The following POU2F3 variants were observed in gnomAD, a reference collection of about 807,000 sequenced individuals.
POU2F3 encodes the protein POU class 2 homeobox 3.
In POU2F3, 23 loss-of-function variants were observed where a neutral mutation model predicts 59.2. The ratio of observed to expected loss-of-function variants is 0.39; its 90% CI spans 0.28 to 0.55. The LOEUF is 0.55. POU2F3 is among the 20% of genes least tolerant of loss of function. POU2F3 has a pLI of 0.66. For missense variants in POU2F3, 473 were observed against 544.5 expected, an observed-to-expected ratio of 0.87 and a Z score of 1.31; for synonymous variants, 190 against 214.6, an observed-to-expected ratio of 0.89 and a Z score of 1.00.
intron 2 of POU2F3, chr11:120,254,255 C>T (rs1939238684): frequency 6.6e-6 from 1 of 152,330 alleles, no homozygotes; most frequent in Non-Finnish European, 1.5e-5. Context: ...GCAGCCAGAA[C>T]CCAGGCAACT....
intron 2 of POU2F3, among the ~76,000 whole-genome samples, chr11:120,249,217 T>C (rs1173380061): frequency 6.6e-6 from 1 of 152,196 alleles, no homozygotes; most frequent in African/African-American, 2.4e-5. Flanking sequence ...GCTCAGAATG[T>C]CTTTGCAGCA....
chr11:120,293,386 G>A (rs569761804), intron 3 of POU2F3, among the ~76,000 whole-genome samples: 1 of 152,168 alleles, frequency 6.6e-6, no homozygotes, highest in Non-Finnish European at 1.5e-5. Flanking sequence ...CTTGAGAGGA[G>A]TTACCCATCT....
chr11:120,287,109 C>A (rs1295586652), intron 3 of POU2F3, among the ~76,000 whole-genome samples: 3 of 152,142 alleles, frequency 2.0e-5, no homozygotes, highest in Admixed American at 6.5e-5. Context: ...TCTGTCTGAT[C>A]CCCCATTCTA....
chr11:120,276,342 A>G (rs930226288), intron 3 of POU2F3, among the ~76,000 whole-genome samples: 2 of 152,138 alleles, frequency 1.3e-5, no homozygotes, highest in Non-Finnish European at 2.9e-5. Context: ...GGTCTGCCGC[A>G]GAGAGGGAGG....
rs183613317 is a variant in POU2F3, at chr11:120,308,624, G to A, written c.907-801G>A. ...TTTTAGCTTTCTCATTTTCTGCTTTGAGACAGGAGGACAGGAAGAAATGAC... is the reference window on the plus strand; with the variant it reads ...TTTTAGCTTTCTCATTTTCTGCTTTAAGACAGGAGGACAGGAAGAAATGAC... On this transcript the variant is annotated intron_variant, in intron 9 of 12. Transcript: ENST00000543440. Among the ~76,000 whole-genome samples, 289 of 152,164 alleles carry A rather than the reference G, an allele frequency of 1.9e-3. 1 individual carries two copies. The highest frequency in any genetic ancestry group is 6.6e-3 in the African/African-American group (275 of 41,506).
intron 1 of POU2F3, among the ~76,000 whole-genome samples, chr11:120,243,348 C>T (rs1188415248): frequency 1.3e-5 from 2 of 152,150 alleles, no homozygotes; most frequent in Non-Finnish European, 2.9e-5. Flanking sequence ...GTCCAGGACC[C>T]TCAGCCTGCA....
chr11:120,267,813 A>G (rs565026278), intron 2 of POU2F3, among the ~76,000 whole-genome samples: 6 of 152,172 alleles, frequency 3.9e-5, no homozygotes, highest in African/African-American at 1.4e-4. Flanking sequence ...CATATTGTAT[A>G]TGCATATTAA....
Position 120,319,439 on chromosome 11 carries a change from T to TC in POU2F3, c.*1047_*1048insC, listed in dbSNP as rs1301963497. On this transcript the variant is annotated 3_prime_UTR_variant, in exon 13 of 13. Transcript: ENST00000543440. ...CCACATGGGCTGGGATTTTTTTTTCTTTTTCTTTTTTTTTTTTTTTTTTGA... is the reference window on the plus strand; with the variant it reads ...CCACATGGGCTGGGATTTTTTTTTCTCTTTTCTTTTTTTTTTTTTTTTTTGA... 8.0e-6 allele frequency: 1 copy of TC among 125,568 alleles called. No homozygotes were observed. The highest frequency in any genetic ancestry group is 1.8e-5 in the Non-Finnish European group (1 of 55,594). 7.8% of individuals were successfully genotyped at this position (125,568 alleles called of 1,614,324 possible).
upstream of POU2F3, among the ~76,000 whole-genome samples, chr11:120,238,855 A>G (rs1247304219): frequency 1.4e-5 from 2 of 140,096 alleles, no homozygotes; most frequent in Non-Finnish European, 3.0e-5. Context: ...AAAAAAAAAA[A>G]GAACACGGAA....
intron 3 of POU2F3, among the ~76,000 whole-genome samples, chr11:120,276,260 A>G (rs1175504777): frequency 6.6e-6 from 1 of 152,200 alleles, no homozygotes; most frequent in Admixed American, 6.5e-5. Context: ...TTAGCTGACT[A>G]TTAGGAAGAC....
upstream of POU2F3, among the ~76,000 whole-genome samples, chr11:120,237,406 C>T (rs1292889358): frequency 1.3e-5 from 2 of 152,204 alleles, no homozygotes; most frequent in Non-Finnish European, 2.9e-5. Context: ...CAGCTGTGAA[C>T]CTCCAAGGTC....
intron 2 of POU2F3, chr11:120,254,082 C>G (rs1226852325): frequency 6.6e-6 from 1 of 152,240 alleles, no homozygotes; most frequent in Non-Finnish European, 1.5e-5. Context: ...ACTCCCCCAG[C>G]CCCAAGCTGG....
chr11:120,246,604 T>G, intron 2 of POU2F3, 87 bp downstream of exon 2: 1 of 1,458,190 alleles, frequency 6.9e-7, no homozygotes, highest in African/African-American at 1.4e-5. Context: ...TCTTCTTGCT[T>G]GGTCTTTCAG....
upstream of POU2F3, chr11:120,236,755 A>G (rs1383510409): frequency 5.7e-6 from 8 of 1,413,716 alleles, no homozygotes; most frequent in South Asian, 4.9e-5. Flanking sequence ...AACTGAAATG[A>G]TCAGTGAGCA....
chr11:120,264,990 A>G lies in POU2F3; in HGVS notation c.98-4220A>G, dbSNP rs562277195. On this transcript the variant is annotated intron_variant, in intron 2 of 12. Transcript: ENST00000543440. ...TTAAGCATTGCAGGAATGACTGGCCAGTTGCCTTAATCTGGAGCATTGGGG... is the reference window on the plus strand; with the variant it reads ...TTAAGCATTGCAGGAATGACTGGCCGGTTGCCTTAATCTGGAGCATTGGGG... 2.8e-4 allele frequency among the ~76,000 whole-genome samples: 43 copies of G among 152,350 alleles called. 1 individual carries two copies. The highest frequency in any genetic ancestry group is 2.2e-3 in the Admixed American group (34 of 15,310).
chr11:120,252,659 T>C (rs1939162146), intron 2 of POU2F3, among the ~76,000 whole-genome samples: 1 of 152,136 alleles, frequency 6.6e-6, no homozygotes, highest in Admixed American at 6.5e-5. Flanking sequence ...AGGATTTGCT[T>C]CTCTGCCTCC....
At chr11:120,312,761 T>G (rs1941684337) in intron 10 of POU2F3, among the ~76,000 whole-genome samples, 1 of 152,178 alleles carries the variant, frequency 6.6e-6, no homozygotes, top group African/African-American at 2.4e-5. Flanking sequence ...TGATGAAGGC[T>G]TCAGAGAAGA....
chr11:120,239,929 G>C (rs1031559067), upstream of POU2F3, among the ~76,000 whole-genome samples: 3 of 152,260 alleles, frequency 2.0e-5, no homozygotes, highest in African/African-American at 7.2e-5. Context: ...GCCACTCCGG[G>C]CGCGGTGAGG....
At chr11:120,253,739 G>A (rs1237341755) in intron 2 of POU2F3, 1 of 152,244 alleles carries the variant, frequency 6.6e-6, no homozygotes, top group East Asian at 1.9e-4. Context: ...TCCGGGTGCG[G>A]TGGCTCATGC....
Sources: allele counts gnomAD v4.1 joint callset (sites outside exome capture counted in the v4.1 genomes callset), GRCh38; gene constraint gnomAD v4.1.1; transcripts MANE v1.5; gene names NCBI Gene and HGNC (gene_info 2026-07-23, HGNC 2026-07-21).